RARB: variants seen among roughly 807,000 people sequenced by gnomAD.
RARB encodes retinoic acid receptor beta, also known as HBV-activated protein.
RARB carries 17 observed loss-of-function variants against 51.9 expected under a neutral mutation model. The ratio of observed to expected loss-of-function variants is 0.33; its 90% confidence interval spans 0.22 to 0.49. The LOEUF is 0.49. RARB is among the 20% of genes least tolerant of loss of function. The pLI is 0.99. For synonymous variants in RARB, 215 were observed against 195.4 expected, an observed-to-expected ratio of 1.10 and a Z score of -0.84; for missense variants, 369 against 550.8, an observed-to-expected ratio of 0.67 and a Z score of 3.30.
chr3:24,923,634 C>T (rs1429025903), intron 2 of RARB, among the ~76,000 whole-genome samples: 5 of 152,008 alleles, frequency 3.3e-5, no homozygotes, highest in Admixed American at 3.3e-4. Flanking sequence ...CCACAGAAGC[C>T]CTTTGCTTAG....
upstream of RARB, among the ~76,000 whole-genome samples, chr3:25,427,406 T>C (rs1708024733): frequency 6.6e-6 from 1 of 152,196 alleles, no homozygotes; most frequent in Non-Finnish European, 1.5e-5. Context: ...CTGAAGAAGT[T>C]AAATACTTAT....
intron 2 of RARB, among the ~76,000 whole-genome samples, chr3:25,481,397 T>G (rs942361303): frequency 2.6e-5 from 4 of 152,218 alleles, no homozygotes; most frequent in South Asian, 4.1e-4. Flanking sequence ...AGAATTATGT[T>G]TTTTGAATTT....
intron 5 of RARB, chr3:25,259,172 T>A (rs1702938469): frequency 2.7e-6 from 2 of 747,264 alleles, no homozygotes; most frequent in Admixed American, 1.3e-4. Flanking sequence ...TATGGTAAAG[T>A]AGAGCAAATC....
chr3:25,434,990 AT>A (rs1445700387), intron 1 of RARB, among the ~76,000 whole-genome samples: 1 of 152,014 alleles, frequency 6.6e-6, no homozygotes, highest in African/African-American at 2.4e-5. Context: ...ACCCAGATTT[AT>A]TTTCATTTTA....
intron 5 of RARB, among the ~76,000 whole-genome samples, chr3:25,268,307 G>C (rs1266517296): frequency 6.6e-5 from 10 of 151,638 alleles, no homozygotes; most frequent in African/African-American, 2.4e-4. Flanking sequence ...GTTAATGTTG[G>C]ACCTATTCAG....
At chr3:25,133,305 G>A (rs1699981579) in intron 4 of RARB, among the ~76,000 whole-genome samples, 1 of 151,824 alleles carries the variant, frequency 6.6e-6, no homozygotes, top group African/African-American at 2.4e-5. Context: ...AGCATTCTTT[G>A]TGACATTAAA....
intron 2 of RARB, among the ~76,000 whole-genome samples, chr3:24,962,620 G>T (rs770384462): frequency 6.6e-6 from 1 of 152,146 alleles, no homozygotes; most frequent in African/African-American, 2.4e-5. Flanking sequence ...ATCAGTGGTG[G>T]CATTCGATTC....
At chr3:25,214,360 A>G (rs1250868504) in intron 5 of RARB, among the ~76,000 whole-genome samples, 2 of 152,232 alleles carry the variant, frequency 1.3e-5, no homozygotes, top group Non-Finnish European at 2.9e-5. Flanking sequence ...GATAACTAGG[A>G]GCACATTTCT....
intron 2 of RARB, among the ~76,000 whole-genome samples, chr3:25,498,268 C>T (rs996422916): frequency 6.6e-5 from 10 of 152,036 alleles, no homozygotes; most frequent in African/African-American, 2.4e-4. Flanking sequence ...TGCCCCCACC[C>T]CCTACCCGCC....
chr3:25,380,346 C>G (rs1165171273), intron 5 of RARB, among the ~76,000 whole-genome samples: 2 of 152,166 alleles, frequency 1.3e-5, no homozygotes, highest in African/African-American at 4.8e-5. Context: ...ACAGAACGTT[C>G]AGAGTCTCAG....
At chr3:25,221,015 T>TAC (rs558325713) in intron 5 of RARB, among the ~76,000 whole-genome samples, 72,092 of 151,132 alleles carry the variant, frequency 0.48, 18,063 homozygotes, top group East Asian at 0.74. Context: ...CCTCCCCTGC[T>TAC]ACACACACAC....
intron 3 of RARB, among the ~76,000 whole-genome samples, chr3:25,081,847 G>A (rs1699012127): frequency 1.3e-5 from 2 of 150,984 alleles, no homozygotes; most frequent in Admixed American, 1.3e-4. Context: ...TGGCCAGGCT[G>A]GTCTCGAACT....
chr3:25,466,622 A>G (rs1695444858), intron 2 of RARB, among the ~76,000 whole-genome samples: 3 of 152,316 alleles, frequency 2.0e-5, no homozygotes, highest in African/African-American at 2.4e-5. Flanking sequence ...TATCAAAATA[A>G]CACTGCCTCT....
At chr3:25,456,676 T>G (rs866862589) in intron 1 of RARB, among the ~76,000 whole-genome samples, 271 of 113,760 alleles carry the variant, frequency 2.4e-3, no homozygotes, top group Middle Eastern at 9.8e-3. Context: ...TATATATATA[T>G]ATATATAGAG....
At chr3:25,109,126 C>A (rs1270074614) in intron 3 of RARB, among the ~76,000 whole-genome samples, 1 of 152,148 alleles carries the variant, frequency 6.6e-6, no homozygotes, top group African/African-American at 2.4e-5. Flanking sequence ...ACATGCAAAT[C>A]ACCTAGTTCA....
intron 2 of RARB, among the ~76,000 whole-genome samples, chr3:24,941,529 C>A (rs1473206876): frequency 1.3e-5 from 2 of 152,072 alleles, no homozygotes; most frequent in Non-Finnish European, 2.9e-5. Context: ...GCCAGCATGC[C>A]CGGCTCATTT....
intron 5 of RARB, among the ~76,000 whole-genome samples, chr3:25,215,138 A>C (rs1469720313): frequency 6.6e-6 from 1 of 152,190 alleles, no homozygotes; most frequent in Admixed American, 6.5e-5. Flanking sequence ...CCTGGGGCCC[A>C]AGTGTCAGTA....
intron 5 of RARB, among the ~76,000 whole-genome samples, chr3:25,332,227 G>T (rs187948727): frequency 6.0e-4 from 90 of 150,856 alleles, no homozygotes; most frequent in African/African-American, 2.2e-3. Flanking sequence ...AACAAAAAAA[G>T]AGAATTGTAG....
At chr3:25,516,658 A>C (rs1298119157) in intron 3 of RARB, among the ~76,000 whole-genome samples, 1 of 118,586 alleles carries the variant, frequency 8.4e-6, no homozygotes, top group South Asian at 2.2e-4. Context: ...ACAGGGTCAC[A>C]CTCTGTCGTC....
Sources: gnomAD v4.1 joint callset for allele counts (sites outside exome capture counted in the v4.1 genomes callset) on GRCh38, gnomAD v4.1.1 for gene constraint, MANE v1.5 for transcripts, NCBI Gene and HGNC (gene_info 2026-07-23, HGNC 2026-07-21) for gene names.